Variants in CLN6 observed in about 807,000 individuals in gnomAD.
The protein encoded by CLN6 is CLN6 transmembrane ER protein.
A neutral mutation model predicts 33.3 loss-of-function variants in CLN6; 22 were observed. The ratio of observed to expected loss-of-function variants is 0.66; its 90% CI spans 0.47 to 0.94. The LOEUF is 0.94. Ranked by LOEUF, CLN6 falls within the 40% of genes least tolerant of loss-of-function variation. The pLI is 0.00. For synonymous variants in CLN6, 201 were observed against 174.6 expected (o/e 1.15, Z -1.19); for missense variants, 387 against 417.1 (o/e 0.93, Z 0.63).
rs1460197753 is a variant in CLN6 at position 68,241,334 on chromosome 15, G to C, written c.179+15356C>G. 6.6e-6 allele frequency among the ~76,000 whole-genome samples: 1 copy of C among 152,158 alleles called. No homozygotes were observed. The highest frequency in any genetic ancestry group is 2.4e-5 in the African/African-American group (1 of 41,426). ...AGAACCCAAATATGAGGATGAGGCA[G>C]TTCCTGGAGTCATAGAGAAGTGAAA... On this transcript the variant is annotated intron_variant, in intron 1 of 6. Coordinates refer to the CLN6 transcript ENST00000538696. This position sits in a 1 kb window ranked among gnomAD's most constrained non-coding sequence, Gnocchi z 4.2.
In CLN6 at chr15:68,207,211, T is replaced by G. The variant is rs964311098; in HGVS notation, c.*929A>C. On this transcript the variant is annotated 3_prime_UTR_variant, in exon 7 of 7. Transcript: ENST00000249806. ...GGCAAAGCCTCTGGGCCCAGCACCTTGTAAAGGCTTTGATGAGAGGAGCTC... is the reference window on the plus strand; with the variant it reads ...GGCAAAGCCTCTGGGCCCAGCACCTGGTAAAGGCTTTGATGAGAGGAGCTC... 5 of 152,246 alleles carry G rather than the reference T, an allele frequency of 3.3e-5. No individual in the cohort carries two copies. The highest frequency in any genetic ancestry group is 1.2e-4 in the African/African-American group (5 of 41,436). The allele number at this position is 152,246 out of a possible 1,614,324, so 9.4% of individuals were successfully genotyped here.
chr15:68,242,883 A>G lies in CLN6; in HGVS notation c.179+13807T>C, dbSNP rs566002630. On this transcript the variant is annotated intron_variant, in intron 1 of 6. Transcript: ENST00000538696. The surrounding 1 kb of genome is among the most constrained non-coding windows in gnomAD (Gnocchi z 5.0). ...CCAGCTATGCTAAGAGTCAGACCTT[A>G]TCTTCATTTCTGTCTAATGTCCTAA... Among the ~76,000 whole-genome samples the G allele has an allele frequency of 2.0e-5, 3 of 152,232 alleles. No individual in the cohort carries two copies. The highest frequency in any genetic ancestry group is 4.4e-5 in the Non-Finnish European group (3 of 68,048).
At position 68,211,556 on chromosome 15, in the gene CLN6, C is replaced by T. The variant is rs1595818139; in HGVS notation, c.486+119G>A. On this transcript the variant is annotated intron_variant, in intron 4 of 6. Coordinates refer to ENST00000249806, the MANE Select transcript of CLN6 (RefSeq NM_017882.3). This position sits in a 1 kb window ranked among gnomAD's most constrained non-coding sequence, Gnocchi z 5.9. ...TTGGGGCAGGCGACAGTGCCCTCACCTAGCAGAATGCCTTTGGTGAAAGGA... is the reference window on the plus strand; with the variant it reads ...TTGGGGCAGGCGACAGTGCCCTCACTTAGCAGAATGCCTTTGGTGAAAGGA... The T allele has an allele frequency of 1.3e-6, 2 of 1,599,896 alleles. No homozygotes were observed. The highest frequency in any genetic ancestry group is 1.7e-6 in the Non-Finnish European group (2 of 1,178,980).
At chr15:68,232,192 C>T (rs1454671763), upstream of CLN6, among the ~76,000 whole-genome samples, 1 of 146,844 alleles carries the variant, frequency 6.8e-6, no homozygotes, top group South Asian at 2.1e-4. This position sits in a 1 kb window ranked among gnomAD's most constrained non-coding sequence, Gnocchi z 4.7. Flanking sequence ...GAGTCTTGCT[C>T]TGTCGCCCAG....
intron 1 of CLN6, among the ~76,000 whole-genome samples, chr15:68,255,885 T>A (rs1032991188): frequency 3.9e-5 from 6 of 152,102 alleles, no homozygotes; most frequent in Non-Finnish European, 1.5e-5. Context: ...CCTCAACTTA[T>A]CAGTTTTAAA....
intron 1 of CLN6, among the ~76,000 whole-genome samples, chr15:68,224,557 G>A (rs2093246665): frequency 6.8e-6 from 1 of 147,476 alleles, no homozygotes. Context: ...CACAGGCAGA[G>A]GTTGCAGTGA....
chr15:68,211,551 C>G lies in CLN6; in HGVS notation c.486+124G>C. ...CTAGCTTGGGGCAGGCGACAGTGCC[C>G]TCACCTAGCAGAATGCCTTTGGTGA... On this transcript the variant is annotated intron_variant, in intron 4 of 6. Coordinates refer to ENST00000249806, the MANE Select transcript of CLN6 (RefSeq NM_017882.3). The surrounding 1 kb of genome is among the most constrained non-coding windows in gnomAD (Gnocchi z 5.9). 1 of 1,598,824 alleles carries G rather than the reference C, an allele frequency of 6.3e-7. No individual in the cohort carries two copies. The highest frequency in any genetic ancestry group is 8.5e-7 in the Non-Finnish European group (1 of 1,178,416).
At chr15:68,223,336 C>A (rs1017185466) in intron 1 of CLN6, among the ~76,000 whole-genome samples, 1 of 152,066 alleles carries the variant, frequency 6.6e-6, no homozygotes, top group African/African-American at 2.4e-5. Flanking sequence ...AAGGGACGGG[C>A]GGCTCGATCT....
chr15:68,211,978 T>C lies in CLN6; in HGVS notation c.298-115A>G, dbSNP rs1053945711. Reference sequence around the variant, plus strand: ...TGGACGCTTCCAGCTGGAATGTCACTCCAAAAAGTGGCTGGTCCCTTTAGC... The same window carrying C: ...TGGACGCTTCCAGCTGGAATGTCACCCCAAAAAGTGGCTGGTCCCTTTAGC... On this transcript the variant is annotated intron_variant, in intron 3 of 6. Coordinates refer to ENST00000249806, the MANE Select transcript of CLN6 (RefSeq NM_017882.3). The surrounding 1 kb of genome is among the most constrained non-coding windows in gnomAD (Gnocchi z 5.9). 1.8e-6 allele frequency: 2 copies of C among 1,117,920 alleles called. No homozygotes were observed. The highest frequency in any genetic ancestry group is 2.6e-6 in the Non-Finnish European group (2 of 779,464). 69.3% of individuals were successfully genotyped at this position (1,117,920 alleles called of 1,614,324 possible).
chr15:68,237,865 C>A (rs1229345485), intron 1 of CLN6, among the ~76,000 whole-genome samples: 2 of 152,250 alleles, frequency 1.3e-5, no homozygotes, highest in Non-Finnish European at 2.9e-5. Context: ...TGGCGCACGC[C>A]TGTAATCCCA....
Position 68,242,446 on chromosome 15 carries a change from G to A in CLN6, c.179+14244C>T, listed in dbSNP as rs1456346789. Among the ~76,000 whole-genome samples the A allele has an allele frequency of 2.0e-5, 3 of 151,944 alleles. No homozygotes were observed. Among genetic ancestry groups the A allele is most frequent in the South Asian group, 2.1e-4 (1 of 4,834 alleles). Reference sequence around the variant, plus strand: ...CAAGATATGGGAAATTGCCTCAAAAGATCAAATCTAATAATTATTGGTGTT... The same window carrying A: ...CAAGATATGGGAAATTGCCTCAAAAAATCAAATCTAATAATTATTGGTGTT... On this transcript the variant is annotated intron_variant, in intron 1 of 6. Transcript: ENST00000538696. This position sits in a 1 kb window ranked among gnomAD's most constrained non-coding sequence, Gnocchi z 5.0.
intron 2 of CLN6, among the ~76,000 whole-genome samples, chr15:68,217,205 T>C (rs543551562): frequency 1.3e-5 from 2 of 152,350 alleles, no homozygotes; most frequent in Non-Finnish European, 2.9e-5. Context: ...TATGAATTAT[T>C]ACTGCTTTCC....
chr15:68,227,319 G>T lies in CLN6; in HGVS notation c.83+2183C>A, dbSNP rs1346658571. On this transcript the variant is annotated intron_variant, in intron 1 of 6. Coordinates refer to ENST00000249806, the MANE Select transcript of CLN6 (RefSeq NM_017882.3). The surrounding 1 kb of genome is among the most constrained non-coding windows in gnomAD (Gnocchi z 4.1). Reference sequence around the variant, plus strand: ...CTCCCAAAGTGCTGGGATTACAGGCGTGAGCCATGGCACCCGGCCTAATTG... The same window carrying T: ...CTCCCAAAGTGCTGGGATTACAGGCTTGAGCCATGGCACCCGGCCTAATTG... Among the ~76,000 whole-genome samples the T allele has an allele frequency of 6.6e-6, 1 of 152,196 alleles. No individual in the cohort carries two copies. The highest frequency in any genetic ancestry group is 1.5e-5 in the Non-Finnish European group (1 of 68,030).
rs547417735 is a variant in CLN6 at position 68,209,022 on chromosome 15, C to T, written c.666-612G>A. 1.6e-3 allele frequency among the ~76,000 whole-genome samples: 240 copies of T among 152,314 alleles called. 2 individuals carry two copies. The highest frequency in any genetic ancestry group is 6.4e-3 in the South Asian group (31 of 4,826). ...GACCCTGTCCTTCCCATGATACCCA[C>T]AATCCCAGGGTGACCTGTCTCCAGG... On this transcript the variant is annotated intron_variant, in intron 6 of 6. Transcript: ENST00000249806. This position sits in a 1 kb window ranked among gnomAD's most constrained non-coding sequence, Gnocchi z 4.9.
intron 1 of CLN6, among the ~76,000 whole-genome samples, chr15:68,240,287 C>T (rs1489925071): frequency 1.3e-5 from 2 of 152,066 alleles, no homozygotes; most frequent in Non-Finnish European, 2.9e-5. Context: ...AACAAACATG[C>T]AATAGAGATG....
chr15:68,217,787 C>T (rs1434943925), intron 2 of CLN6, among the ~76,000 whole-genome samples: 1 of 152,170 alleles, frequency 6.6e-6, no homozygotes, highest in Non-Finnish European at 1.5e-5. Context: ...TGTGCCCCCA[C>T]TACCAAATAA....
intron 1 of CLN6, among the ~76,000 whole-genome samples, chr15:68,250,675 G>C (rs868851379): frequency 1.3e-5 from 2 of 149,844 alleles, no homozygotes; most frequent in Admixed American, 1.3e-4. Flanking sequence ...CACGCAATTC[G>C]TAGCAGATTT....
chr15:68,218,784 G>C, intron 1 of CLN6, 134 bp from the exon 2 acceptor site: 1 of 678,058 alleles, frequency 1.5e-6, no homozygotes, highest in Non-Finnish European at 2.7e-6. Context: ...CTATGGATAG[G>C]GTTTTGCTGG....
rs191697869 is a variant in CLN6, at chr15:68,208,864, C to G, written c.666-454G>C. On this transcript the variant is annotated intron_variant, in intron 6 of 6. Coordinates refer to ENST00000249806, the MANE Select transcript of CLN6 (RefSeq NM_017882.3). This position sits in a 1 kb window ranked among gnomAD's most constrained non-coding sequence, Gnocchi z 5.8. ...TTCTTTTTAATCCCCAGAGAGCATA[C>G]AGATGAGCCCCAGTGGGCCATCTCA... Among the ~76,000 whole-genome samples the G allele has an allele frequency of 4.4e-3, 674 of 152,302 alleles. 3 individuals carry two copies. The highest frequency in any genetic ancestry group is 7.4e-3 in the Non-Finnish European group (502 of 68,032).
Sources: allele counts gnomAD v4.1 joint callset (sites outside exome capture counted in the v4.1 genomes callset), GRCh38; gene constraint gnomAD v4.1.1; non-coding constraint Gnocchi (gnomAD v3.1); transcripts MANE v1.5; gene names NCBI Gene and HGNC (gene_info 2026-07-23, HGNC 2026-07-21).